PDGFD: variants seen among roughly 807,000 people sequenced by gnomAD.
PDGFD encodes platelet derived growth factor D, also known as platelet-derived growth factor D.
A neutral mutation model predicts 44.7 loss-of-function variants in PDGFD; 30 were observed. The ratio of observed to expected loss-of-function variants is 0.67; its 90% CI spans 0.50 to 0.91. The LOEUF (loss-of-function observed/expected upper bound fraction) is 0.91. Among genes scored for constraint, PDGFD ranks in the 40% least tolerant of loss-of-function variants. PDGFD has a pLI of 0.00. For missense variants in PDGFD, 445 were observed against 457.8 expected (o/e 0.97, Z 0.25); for synonymous variants, 173 against 168.4 (o/e 1.03, Z -0.21).
At chr11:103,953,851 G>T (rs560208819) in intron 3 of PDGFD, among the ~76,000 whole-genome samples, 19 of 152,298 alleles carry the variant, frequency 1.2e-4, no homozygotes, top group African/African-American at 3.8e-4. Flanking sequence ...ACTACAAAGC[G>T]TTCTAGCATG....
chr11:104,006,762 C>T (rs138425060), intron 1 of PDGFD, among the ~76,000 whole-genome samples: 101 of 152,300 alleles, frequency 6.6e-4, no homozygotes, highest in African/African-American at 2.4e-3. Context: ...TGCTGCTGGA[C>T]AGCCAAACTC....
At chr11:104,152,167 C>G (rs184468980) in intron 1 of PDGFD, among the ~76,000 whole-genome samples, 1 of 152,068 alleles carries the variant, frequency 6.6e-6, no homozygotes, top group Non-Finnish European at 1.5e-5. Context: ...AAGTAGTAAA[C>G]TAAAGAATAA....
intron 6 of PDGFD, among the ~76,000 whole-genome samples, chr11:103,921,258 T>C (rs1858211895): frequency 6.6e-6 from 1 of 152,214 alleles, no homozygotes; most frequent in African/African-American, 2.4e-5. Context: ...AGAGATTTTC[T>C]TGACTTTTAT....
rs141279515 is a variant in PDGFD at position 104,023,970 on chromosome 11, G to T, written c.125-23715C>A. On this transcript the variant is annotated intron_variant, in intron 1 of 6. Transcript: ENST00000393158. Reference sequence around the variant, plus strand: ...GGACAAACTTGGAACATACTGACTTGCATTAATATGATGCCAAGCATTTCC... The same window carrying T: ...GGACAAACTTGGAACATACTGACTTTCATTAATATGATGCCAAGCATTTCC... Among the ~76,000 whole-genome samples, 1,180 of 152,216 alleles carry T rather than the reference G, an allele frequency of 7.8e-3. 13 individuals are homozygous for T. The highest frequency in any genetic ancestry group is 0.027 in the African/African-American group (1,124 of 41,548).
chr11:103,968,095 T>C lies in PDGFD; in HGVS notation c.511-20371A>G, dbSNP rs555099558. 3.5e-4 allele frequency among the ~76,000 whole-genome samples: 54 copies of C among 152,252 alleles called. 1 individual carries two copies. In the South Asian group the frequency reaches 6.6e-3, roughly 19 times the overall value. ...TTCTTGCGTTAACATTGTTGATGACTCCCTCCTTAATGCCCCTCTCCCTTG... is the reference window on the plus strand; with the variant it reads ...TTCTTGCGTTAACATTGTTGATGACCCCCTCCTTAATGCCCCTCTCCCTTG... On this transcript the variant is annotated intron_variant, in intron 3 of 6. Transcript: ENST00000393158.
At chr11:104,090,040 T>C (rs1395003088) in intron 1 of PDGFD, among the ~76,000 whole-genome samples, 2 of 152,164 alleles carry the variant, frequency 1.3e-5, no homozygotes, top group African/African-American at 2.4e-5. Context: ...TCCCTATCAA[T>C]CAAATCTATA....
chr11:104,153,890 G>T (rs917648826), intron 1 of PDGFD, among the ~76,000 whole-genome samples: 3 of 152,050 alleles, frequency 2.0e-5, no homozygotes, highest in African/African-American at 7.2e-5. Flanking sequence ...GAAGCAGTGA[G>T]AAAAGTGAGA....
chr11:103,913,815 A>T (rs1858069516), intron 6 of PDGFD, among the ~76,000 whole-genome samples: 1 of 152,220 alleles, frequency 6.6e-6, no homozygotes, highest in African/African-American at 2.4e-5. Flanking sequence ...GATAAAGGGG[A>T]TATCACCACC....
At chr11:104,058,507 C>A (rs1860657967) in intron 1 of PDGFD, among the ~76,000 whole-genome samples, 1 of 152,140 alleles carries the variant, frequency 6.6e-6, no homozygotes, top group Non-Finnish European at 1.5e-5. Flanking sequence ...CAACAGGCAA[C>A]AGAGAATGCT....
chr11:103,944,924 G>A (rs529878330), intron 4 of PDGFD, among the ~76,000 whole-genome samples: 2 of 152,138 alleles, frequency 1.3e-5, no homozygotes, highest in Admixed American at 6.6e-5. Flanking sequence ...GAAATAGACC[G>A]ATGAATGTGT....
At chr11:104,118,512 C>T (rs112445570) in intron 1 of PDGFD, among the ~76,000 whole-genome samples, 59 of 151,346 alleles carry the variant, frequency 3.9e-4, no homozygotes, top group African/African-American at 1.2e-3. Context: ...CCAATCAGTA[C>T]AATTTTGTTT....
chr11:103,910,326 A>T (rs545526519), intron 6 of PDGFD, among the ~76,000 whole-genome samples: 1 of 152,228 alleles, frequency 6.6e-6, no homozygotes, highest in Non-Finnish European at 1.5e-5. Flanking sequence ...GAACAGGAAC[A>T]GCTCTGGTCT....
At chr11:103,947,799 A>C in intron 3 of PDGFD, 75 bp from the exon 4 acceptor site, 18 of 1,083,650 alleles carry the variant, frequency 1.7e-5, no homozygotes, top group Non-Finnish European at 2.4e-5. Flanking sequence ...TCAACATCTC[A>C]GCCTTCTGAA....
chr11:103,940,645 A>G (rs1464248881), intron 5 of PDGFD, among the ~76,000 whole-genome samples: 2 of 152,184 alleles, frequency 1.3e-5, no homozygotes. Context: ...ACCAGCTGAA[A>G]TATTAAACCT....
intron 1 of PDGFD, among the ~76,000 whole-genome samples, chr11:104,151,227 T>A (rs1190026094): frequency 6.6e-6 from 1 of 152,112 alleles, no homozygotes; most frequent in African/African-American, 2.4e-5. Flanking sequence ...CAAGTCAGAG[T>A]GGCCAACTAA....
At chr11:104,146,149 T>A (rs567711956) in intron 1 of PDGFD, among the ~76,000 whole-genome samples, 62 of 152,356 alleles carry the variant, frequency 4.1e-4, no homozygotes, top group African/African-American at 1.5e-3. Context: ...CGACAAACAC[T>A]GAATTAACTA....
intron 1 of PDGFD, among the ~76,000 whole-genome samples, chr11:104,118,596 T>C (rs1045067219): frequency 4.7e-5 from 7 of 150,392 alleles, no homozygotes; most frequent in Non-Finnish European, 8.9e-5. Flanking sequence ...GGGGACATCC[T>C]TGCCTTGCTC....
intron 6 of PDGFD, among the ~76,000 whole-genome samples, chr11:103,916,695 C>A (rs1858131833): frequency 6.6e-6 from 1 of 152,178 alleles, no homozygotes. Context: ...ACCCAAATGT[C>A]CATCAGTGAT....
intron 5 of PDGFD, among the ~76,000 whole-genome samples, chr11:103,932,176 T>A (rs1334806993): frequency 6.6e-6 from 1 of 151,906 alleles, no homozygotes; most frequent in Non-Finnish European, 1.5e-5. Context: ...TTACAATGGT[T>A]CAACATGAGT....
Sources: allele counts gnomAD v4.1 joint callset (sites outside exome capture counted in the v4.1 genomes callset), GRCh38; gene constraint gnomAD v4.1.1; transcripts MANE v1.5; gene names NCBI Gene and HGNC (gene_info 2026-07-23, HGNC 2026-07-21).